MKLN1: variants seen among roughly 807,000 people sequenced by gnomAD.
MKLN1 encodes the protein muskelin.
In MKLN1, 18 loss-of-function variants were observed where a neutral mutation model predicts 99.0. The ratio of observed to expected loss-of-function variants is 0.18; its 90% CI spans 0.13 to 0.27. MKLN1 has a LOEUF of 0.27. MKLN1 is among the 10% of genes least tolerant of loss of function. MKLN1 has a pLI of 1.00. For synonymous variants in MKLN1, 288 were observed against 293.2 expected, an observed-to-expected ratio of 0.98 and a Z score of 0.18; for missense variants, 621 against 875.9, an observed-to-expected ratio of 0.71 and a Z score of 3.67.
At chr7:131,271,447 T>A (rs1050943081) in intron 3 of MKLN1, among the ~76,000 whole-genome samples, 1 of 149,488 alleles carries the variant, frequency 6.7e-6, no homozygotes, top group Non-Finnish European at 1.5e-5. Flanking sequence ...TGAAACCGTG[T>A]CTCTACTAAA....
At chr7:131,128,338 C>G (rs6974649) in intron 1 of MKLN1, among the ~76,000 whole-genome samples, 1 of 151,758 alleles carries the variant, frequency 6.6e-6, no homozygotes, top group Non-Finnish European at 1.5e-5. Flanking sequence ...TGCTGAAAAG[C>G]TGAAAGTAGT....
At position 131,439,606 on chromosome 7, in the gene MKLN1, C is replaced by T. The variant is rs1795772855; in HGVS notation, c.1173+1609C>T. Among the ~76,000 whole-genome samples the T allele has an allele frequency of 2.0e-5, 3 of 152,238 alleles. No homozygotes were observed. The South Asian group carries it at 6.2e-4, about 32-fold the overall frequency. Reference sequence around the variant, plus strand: ...GAACTTACACTTGTAGTGTTTATGACACTCCAAAAATAGCTTGTGGTGTTC... The same window carrying T: ...GAACTTACACTTGTAGTGTTTATGATACTCCAAAAATAGCTTGTGGTGTTC... On this transcript the variant is annotated intron_variant, in intron 10 of 17. Coordinates refer to ENST00000352689, the MANE Select transcript of MKLN1 (RefSeq NM_013255.5).
At position 131,300,848 on chromosome 7, in the gene MKLN1, T is replaced by C. The variant is rs140031595; in HGVS notation, c.-178-74576T>C. On this transcript the variant is annotated intron_variant, in intron 3 of 7. Coordinates refer to the MKLN1 transcript ENST00000416992. ...CAAATCATTTTAATTGTAGACCTGA[T>C]GGATACGGTGGGAAGGCAGAAATGG... Among the ~76,000 whole-genome samples the C allele has an allele frequency of 7.5e-3, 1,147 of 152,324 alleles. 6 individuals carry two copies. Among genetic ancestry groups the C allele is most frequent in the Middle Eastern group, 0.017 (5 of 294 alleles).
chr7:131,322,796 T>G (rs1463463611), intron 3 of MKLN1, among the ~76,000 whole-genome samples: 1 of 151,368 alleles, frequency 6.6e-6, no homozygotes, highest in African/African-American at 2.4e-5. Context: ...GGTCTCGATC[T>G]CCTGACCTCA....
intron 3 of MKLN1, among the ~76,000 whole-genome samples, chr7:131,293,636 A>G (rs569215422): frequency 1.3e-5 from 2 of 152,214 alleles, no homozygotes; most frequent in East Asian, 3.9e-4. Context: ...TGGTGAGACC[A>G]TCTCTACAAA....
chr7:131,188,052 G>A (rs1418069271), intron 2 of MKLN1, among the ~76,000 whole-genome samples: 1 of 152,068 alleles, frequency 6.6e-6, no homozygotes, highest in Non-Finnish European at 1.5e-5. Context: ...TTTAAAACAA[G>A]GTATTGGGTT....
intron 12 of MKLN1, among the ~76,000 whole-genome samples, chr7:131,458,477 T>C (rs1030343004): frequency 3.8e-4 from 58 of 152,196 alleles, no homozygotes; most frequent in Non-Finnish European, 4.4e-5. Context: ...AAGGGAAAAT[T>C]GGACACTATA....
At chr7:131,379,137 T>G (rs1220096066) in intron 2 of MKLN1, among the ~76,000 whole-genome samples, 2 of 152,164 alleles carry the variant, frequency 1.3e-5, no homozygotes, top group Non-Finnish European at 2.9e-5. Context: ...TAGTTTAAAG[T>G]GATTGTGGAT....
At chr7:131,447,834 T>A (rs1441341759) in intron 12 of MKLN1, among the ~76,000 whole-genome samples, 1 of 152,196 alleles carries the variant, frequency 6.6e-6, no homozygotes, top group African/African-American at 2.4e-5. Flanking sequence ...ATGTACAAGA[T>A]GAAAACAGTT....
intron 3 of MKLN1, among the ~76,000 whole-genome samples, chr7:131,212,913 A>C: frequency 6.7e-6 from 1 of 149,248 alleles, no homozygotes. Context: ...ACAAGAGCAA[A>C]ACTCCGTCTC....
In MKLN1 at chr7:131,376,553, A is replaced by C. The variant is rs1363174161; in HGVS notation, c.168+1060A>C. Among the ~76,000 whole-genome samples, 5 of 151,460 alleles carry C rather than the reference A, an allele frequency of 3.3e-5. No individual in the cohort carries two copies. In the East Asian group the frequency reaches 9.7e-4, roughly 29 times the overall value. ...GCTACTCGGGAGGCTGAGGCAGGAG[A>C]ATCGTTTGAACCCAGGAGGCAGAGG... is the stretch of plus-strand genomic sequence containing the variant. On this transcript the variant is annotated intron_variant, in intron 2 of 17. Coordinates refer to ENST00000352689, the MANE Select transcript of MKLN1 (RefSeq NM_013255.5).
intron 14 of MKLN1, among the ~76,000 whole-genome samples, chr7:131,465,448 T>C (rs1796630989): frequency 6.6e-6 from 1 of 152,238 alleles, no homozygotes; most frequent in African/African-American, 2.4e-5. Flanking sequence ...ATTTTTGGTA[T>C]TGAATTATGG....
intron 9 of MKLN1, among the ~76,000 whole-genome samples, chr7:131,434,399 A>G (rs1438979418): frequency 6.6e-6 from 1 of 152,184 alleles, no homozygotes; most frequent in Non-Finnish European, 1.5e-5. Flanking sequence ...TTGGCTGGTA[A>G]TATAGAGAAA....
intron 1 of MKLN1, among the ~76,000 whole-genome samples, chr7:131,111,835 A>T (rs764937781): frequency 6.8e-4 from 104 of 152,234 alleles, no homozygotes; most frequent in South Asian, 1.7e-3. Flanking sequence ...TAGACTAAAC[A>T]AGGCATAAAA....
At chr7:131,148,725 G>A (rs111413969) in intron 2 of MKLN1, among the ~76,000 whole-genome samples, 7,868 of 152,180 alleles carry the variant, frequency 0.052, 357 homozygotes, top group African/African-American at 0.12. Context: ...AGTGAGCCAC[G>A]ATTGTGCAAC....
chr7:131,454,548 T>G (rs915495037), intron 12 of MKLN1, among the ~76,000 whole-genome samples: 7 of 152,232 alleles, frequency 4.6e-5, no homozygotes, highest in Admixed American at 3.3e-4. Flanking sequence ...CACTGTTGTT[T>G]GCTTTCCCAA....
At chr7:131,170,809 C>T (rs1441782493) in intron 2 of MKLN1, among the ~76,000 whole-genome samples, 2 of 152,198 alleles carry the variant, frequency 1.3e-5, no homozygotes, top group Non-Finnish European at 1.5e-5. Flanking sequence ...CCATGTACAA[C>T]AGATTGAGAG....
At chr7:131,191,380 G>A (rs1381631997) in intron 2 of MKLN1, among the ~76,000 whole-genome samples, 1 of 152,196 alleles carries the variant, frequency 6.6e-6, no homozygotes, top group Non-Finnish European at 1.5e-5. Flanking sequence ...AGTTGGTCCT[G>A]ATTTCTGAGT....
intron 2 of MKLN1, among the ~76,000 whole-genome samples, chr7:131,384,431 G>A (rs1161262716): frequency 6.6e-6 from 1 of 151,938 alleles, no homozygotes; most frequent in East Asian, 1.9e-4. Flanking sequence ...GGCAGAGATA[G>A]GAGTTACACT....
Sources: allele counts gnomAD v4.1 joint callset (sites outside exome capture counted in the v4.1 genomes callset), GRCh38; gene constraint gnomAD v4.1.1; transcripts MANE v1.5; gene names NCBI Gene and HGNC (gene_info 2026-07-23, HGNC 2026-07-21).